NICN1: variants seen among roughly 807,000 people sequenced by gnomAD.
The protein encoded by NICN1 is nicolin-1.
A neutral mutation model predicts 26.3 loss-of-function variants in NICN1; 18 were observed. The observed-to-expected ratio is 0.68, with a 90% confidence interval of 0.47 to 1.01. NICN1 has a LOEUF of 1.01. Among genes scored for constraint, NICN1 ranks in the 50% least tolerant of loss-of-function variants. The probability of loss-of-function intolerance (pLI) is 0.00; values close to 1 mark genes in which losing one functional copy is unlikely to be tolerated. For synonymous variants in NICN1, 109 were observed against 111.0 expected (o/e 0.98, Z 0.11); for missense variants, 239 against 278.3 (o/e 0.86, Z 1.00).
At chr3:49,426,555 TCTTGCTC>T in intron 1 of NICN1, 127 bp from the exon 2 acceptor site, 1 of 712,492 alleles carries the variant, frequency 1.4e-6, no homozygotes, top group Non-Finnish European at 2.3e-6. Flanking sequence ...TGAGAGGAAA[TCTTGCTC>T]TTTTGCCCAG....
chr3:49,427,933 A>G (rs2049188450), intron 1 of NICN1, among the ~76,000 whole-genome samples: 1 of 152,172 alleles, frequency 6.6e-6, no homozygotes, highest in Non-Finnish European at 1.5e-5. Context: ...ACCACACACC[A>G]CAGCACAAAG....
rs1230283955 is a variant in NICN1 at position 49,426,051 on chromosome 3, C to T, written c.310-55G>A. 5.4e-6 allele frequency: 7 copies of T among 1,288,334 alleles called. No homozygotes were observed. The East Asian group carries it at 1.4e-4, about 26-fold the overall frequency. 79.8% of individuals were successfully genotyped at this position (1,288,334 alleles called of 1,614,324 possible). Reference sequence around the variant, plus strand: ...GATCCAGCTCACTGCCCAGAAGCCTCCCAACCAGCAATGAGCCAGAATGCT... The same window carrying T: ...GATCCAGCTCACTGCCCAGAAGCCTTCCAACCAGCAATGAGCCAGAATGCT... On this transcript the variant is annotated intron_variant, in intron 2 of 5. Coordinates refer to ENST00000273598, the MANE Select transcript of NICN1 (RefSeq NM_032316.3).
Position 49,429,314 on chromosome 3 carries a change from C to A in NICN1, c.-75G>T, listed in dbSNP as rs1474713528. 6.8e-6 allele frequency: 10 copies of A among 1,480,132 alleles called. No homozygotes were observed. The highest frequency in any genetic ancestry group is 2.7e-5 in the East Asian group (1 of 37,424). 91.7% of individuals were successfully genotyped at this position (1,480,132 alleles called of 1,614,324 possible). Reference sequence around the variant, plus strand: ...ACCAGCCCTTCCCGGCATCCTCAGCCGAGCCTCAAGAACTACAAATCCCGG... The same window carrying A: ...ACCAGCCCTTCCCGGCATCCTCAGCAGAGCCTCAAGAACTACAAATCCCGG... On this transcript the variant is annotated 5_prime_UTR_variant, in exon 1 of 6. Coordinates refer to ENST00000273598, the MANE Select transcript of NICN1 (RefSeq NM_032316.3).
Position 49,429,251 on chromosome 3 carries a change from C to A in NICN1, c.-12G>T. 6.3e-7 allele frequency: 1 copy of A among 1,591,056 alleles called. No individual in the cohort carries two copies. The highest frequency in any genetic ancestry group is 1.1e-5 in the South Asian group (1 of 89,174). On this transcript the variant is annotated 5_prime_UTR_variant, in exon 1 of 6. Coordinates refer to ENST00000273598, the MANE Select transcript of NICN1 (RefSeq NM_032316.3). The stretch of plus-strand genomic sequence containing the variant: ...AAAACGCGGGACATGGTGACAGCAG[C>A]CGCAACTAAGTGCAACCGCCGCTCT...
rs1006338180 is a variant in NICN1 at position 49,423,089 on chromosome 3, G to A, written c.*1744C>T. ...GGACTACTGCTTCGTCACGCTTTCC[G>A]AAGCAGCTGAGTGGGGCTATGTAAG... On this transcript the variant is annotated 3_prime_UTR_variant, in exon 6 of 6. Coordinates refer to ENST00000273598, the MANE Select transcript of NICN1 (RefSeq NM_032316.3). 1.2e-5 allele frequency: 2 copies of A among 165,318 alleles called. No individual in the cohort carries two copies. Among genetic ancestry groups the A allele is most frequent in the South Asian group, 1.5e-4 (1 of 6,536 alleles). 10.2% of individuals were successfully genotyped at this position (165,318 alleles called of 1,614,324 possible).
Position 49,429,253 on chromosome 3 carries a change from G to A in NICN1, c.-14C>T, listed in dbSNP as rs758730331. On this transcript the variant is annotated 5_prime_UTR_variant, in exon 1 of 6. Coordinates refer to ENST00000273598, the MANE Select transcript of NICN1 (RefSeq NM_032316.3). Reference sequence around the variant, plus strand: ...AACGCGGGACATGGTGACAGCAGCCGCAACTAAGTGCAACCGCCGCTCTAG... The same window carrying A: ...AACGCGGGACATGGTGACAGCAGCCACAACTAAGTGCAACCGCCGCTCTAG... 1.9e-6 allele frequency: 3 copies of A among 1,580,848 alleles called. No homozygotes were observed. The highest frequency in any genetic ancestry group is 2.4e-5 in the East Asian group (1 of 42,104).
At chr3:49,428,356 A>C (rs1394249213) in intron 1 of NICN1, among the ~76,000 whole-genome samples, 3 of 152,136 alleles carry the variant, frequency 2.0e-5, no homozygotes, top group African/African-American at 7.2e-5. Flanking sequence ...TGGAAGTGCA[A>C]CTGGAGATTG....
rs1376297918 is a variant in NICN1, at chr3:49,424,421, A to G, written c.*412T>C. On this transcript the variant is annotated 3_prime_UTR_variant, in exon 6 of 6. Transcript: ENST00000273598. ...TTCTGTTTCTTCCTCAAGTGTCCCA[A>G]GTGCCATGGCAGCAATGGCCTTCCA... The G allele has an allele frequency of 7.3e-6, 2 of 272,394 alleles. No homozygotes were observed. The highest frequency in any genetic ancestry group is 4.4e-5 in the African/African-American group (2 of 45,550). The allele number at this position is 272,394 out of a possible 1,614,324, so 16.9% of individuals were successfully genotyped here.
At position 49,422,744 on chromosome 3, in the gene NICN1, C is replaced by T. The variant is rs556456412; in HGVS notation, c.*2089G>A. On this transcript the variant is annotated 3_prime_UTR_variant, in exon 6 of 6. Coordinates refer to ENST00000273598, the MANE Select transcript of NICN1 (RefSeq NM_032316.3). ...GGGGCTAGACCGCCCCCTGCAGAAC[C>T]GCCCTGTCTCCAGAGGGTCAAAGTT... 61 of 532,944 alleles carry T rather than the reference C, an allele frequency of 1.1e-4. No homozygotes were observed. The highest frequency in any genetic ancestry group is 2.1e-4 in the South Asian group (11 of 52,082). 33.0% of individuals were successfully genotyped at this position (532,944 alleles called of 1,614,324 possible).
chr3:49,427,048 A>C (rs1168868015), intron 1 of NICN1, among the ~76,000 whole-genome samples: 1 of 152,166 alleles, frequency 6.6e-6, no homozygotes, highest in Non-Finnish European at 1.5e-5. Flanking sequence ...GTGGCCGGGC[A>C]CGGTGGCTCA....
At position 49,427,336 on chromosome 3, in the gene NICN1, A is replaced by G. The variant is rs371323945; in HGVS notation, c.133-908T>C. On this transcript the variant is annotated intron_variant, in intron 1 of 5. Transcript: ENST00000273598. ...AGACACGGTCTCAAAAAAAAAAAAA[A>G]AGAGATGTAGAAAACGTAGGCTGGG... Among the ~76,000 whole-genome samples the G allele has an allele frequency of 1.8e-4, 27 of 151,632 alleles. No individual in the cohort carries two copies. In the East Asian group the frequency reaches 2.7e-3, roughly 15 times the overall value.
intron 1 of NICN1, among the ~76,000 whole-genome samples, chr3:49,427,299 C>T (rs1233744872): frequency 7.2e-6 from 1 of 139,656 alleles, no homozygotes; most frequent in Admixed American, 7.4e-5. Flanking sequence ...CCAGCCTGGG[C>T]GCGACAGAGC....
Position 49,429,057 on chromosome 3 carries a change from C to T in NICN1, c.132+51G>A, listed in dbSNP as rs373149059. 10 of 1,524,766 alleles carry T rather than the reference C, an allele frequency of 6.6e-6. No individual in the cohort carries two copies. The East Asian group carries it at 7.4e-5, about 11-fold the overall frequency. The allele number at this position is 1,524,766 out of a possible 1,614,324, so 94.5% of individuals were successfully genotyped here. On this transcript the variant is annotated intron_variant, in intron 1 of 5. Coordinates refer to ENST00000273598, the MANE Select transcript of NICN1 (RefSeq NM_032316.3). ...AAATGCCTGGGAAACGACCGAGATT[C>T]CAGGTCGGCCCCGCCCGGGAGCCTC...
In NICN1 at chr3:49,424,864, C is replaced by T; in HGVS notation, c.611G>A (p.Cys204Tyr). The change falls in exon 6 of 6, where the codon TGT becomes TAT. Residue 204 changes from cysteine to tyrosine, a missense_variant. Coordinates refer to ENST00000273598, the MANE Select transcript of NICN1 (RefSeq NM_032316.3). The stretch of plus-strand genomic sequence containing the variant: ...GTAGGAGAGCAAGTTCAGGTCATAA[C>T]AGCCATCCACCTGAAATACAAAAGA... Reference protein sequence around the residue: ...ARIGRFDVDGCYDLNLLSYT With the variant: ...ARIGRFDVDGYYDLNLLSYT 1.2e-6 allele frequency: 2 copies of T among 1,613,872 alleles called. No homozygotes were observed. The highest frequency in any genetic ancestry group is 1.7e-4 in the Middle Eastern group (1 of 6,060).
At position 49,424,858 on chromosome 3, in the gene NICN1, T is replaced by C; in HGVS notation, c.617A>G (p.Asp206Gly). The change falls in exon 6 of 6, where the codon GAC becomes GGC. Residue 206 changes from aspartate to glycine, a missense_variant. By Grantham distance (94) the Asp-to-Gly change is moderately conservative (BLOSUM62 -1). Transcript: ENST00000273598. ...TCAAGTGTAGGAGAGCAAGTTCAGG[T>C]CATAACAGCCATCCACCTGAAATAC... ...IGRFDVDGCY[D>G]LNLLSYT 6.2e-7 allele frequency: 1 copy of C among 1,613,984 alleles called. No homozygotes were observed. The highest frequency in any genetic ancestry group is 1.1e-5 in the South Asian group (1 of 91,080).
chr3:49,426,509 C>A (rs555768865), intron 1 of NICN1, 81 bp from the exon 2 acceptor site: 1 of 981,962 alleles, frequency 1.0e-6, no homozygotes, highest in Non-Finnish European at 1.5e-6. Context: ...GGTGCCACCT[C>A]TTCCTTCTCC....
In NICN1 at chr3:49,422,667, T is replaced by C. The variant is rs1243444603; in HGVS notation, c.*2166A>G. On this transcript the variant is annotated 3_prime_UTR_variant, in exon 6 of 6. Transcript: ENST00000273598. ...GCCTCCAGCTCTTTCGGCTGACTCT[T>C]CAGGGCAGCTCGGGCAATCCAGAGC... 1.4e-6 allele frequency: 1 copy of C among 692,766 alleles called. No individual in the cohort carries two copies. Among genetic ancestry groups the C allele is most frequent in the Non-Finnish European group, 2.6e-6 (1 of 382,194 alleles). The allele number at this position is 692,766 out of a possible 1,614,324, so 42.9% of individuals were successfully genotyped here.
Position 49,424,457 on chromosome 3 carries a change from T to G in NICN1, c.*376A>C. 1 of 362,330 alleles carries G rather than the reference T, an allele frequency of 2.8e-6. No individual in the cohort carries two copies. The highest frequency in any genetic ancestry group is 5.1e-6 in the Non-Finnish European group (1 of 196,360). The allele number at this position is 362,330 out of a possible 1,614,324, so 22.4% of individuals were successfully genotyped here. A position where few individuals can be genotyped will look rare whatever the true frequency, so the allele number is the denominator to read the frequency against. On this transcript the variant is annotated 3_prime_UTR_variant, in exon 6 of 6. Transcript: ENST00000273598. ...AGCAATGGCCTTCCAGGTCCATACA[T>G]GGAGCAGGTTTTAGTAGGTCAGCCC...
At chr3:49,426,136 A>T (rs1192144959) in intron 2 of NICN1, 116 bp downstream of exon 2, 1 of 1,197,620 alleles carries the variant, frequency 8.3e-7, no homozygotes, top group African/African-American at 1.5e-5. Flanking sequence ...ACTTCCCTGG[A>T]AGTCACAGTT....
Sources: allele counts gnomAD v4.1 joint callset (sites outside exome capture counted in the v4.1 genomes callset), GRCh38; gene constraint gnomAD v4.1.1; transcripts MANE v1.5; gene names NCBI Gene and HGNC (gene_info 2026-07-23, HGNC 2026-07-21).